DLG2: variants seen among roughly 807,000 people sequenced by gnomAD.
DLG2 encodes the protein discs large MAGUK scaffold protein 2, also known as disks large homolog 2.
Under a neutral mutation model 132.5 loss-of-function variants are expected in DLG2, and 45 were observed. The observed-to-expected ratio is 0.34, with a 90% CI of 0.27 to 0.44. DLG2 has a LOEUF of 0.44. DLG2 is among the 20% of genes least tolerant of loss of function. The pLI, the probability that DLG2 is intolerant of heterozygous loss-of-function variation, is 1.00. For missense variants in DLG2, 1,045 were observed against 1,196.9 expected (o/e 0.87, Z 1.87); for synonymous variants, 424 against 419.6 (o/e 1.01, Z -0.13).
intron 2 of DLG2, among the ~76,000 whole-genome samples, chr11:85,601,042 T>C (rs1335262736): frequency 1.3e-5 from 2 of 152,206 alleles, no homozygotes; most frequent in Non-Finnish European, 2.9e-5. Context: ...TACCATTATG[T>C]AGCTTATCCA....
intron 6 of DLG2, among the ~76,000 whole-genome samples, chr11:85,011,273 A>G (rs1167605844): frequency 1.3e-5 from 2 of 152,192 alleles, no homozygotes; most frequent in Admixed American, 1.3e-4. Context: ...TTTTTCCATA[A>G]TAACAGACCT....
At chr11:84,805,873 T>C (rs545083536) in intron 6 of DLG2, among the ~76,000 whole-genome samples, 43 of 152,266 alleles carry the variant, frequency 2.8e-4, no homozygotes, top group African/African-American at 1.0e-3. Flanking sequence ...CAAATGCCAA[T>C]ACCAAGGTGA....
rs1046650296 is a variant in DLG2 at position 85,625,523 on chromosome 11, A to G, written c.-93+1064T>C. Reference sequence around the variant, plus strand: ...CCAAAAGTTTTATATATCATTGTCCATCTCTACAAATATCAGCTTGGATAA... The same window carrying G: ...CCAAAAGTTTTATATATCATTGTCCGTCTCTACAAATATCAGCTTGGATAA... On this transcript the variant is annotated intron_variant, in intron 2 of 27. Coordinates refer to ENST00000376104, the MANE Select transcript of DLG2 (RefSeq NM_001142699.3). Among the ~76,000 whole-genome samples the G allele has an allele frequency of 5.3e-5, 8 of 152,332 alleles. No homozygotes were observed. In the East Asian group the frequency reaches 1.5e-3, roughly 29 times the overall value.
intron 6 of DLG2, among the ~76,000 whole-genome samples, chr11:85,001,324 C>G (rs1452876881): frequency 6.6e-6 from 1 of 152,128 alleles, no homozygotes; most frequent in Non-Finnish European, 1.5e-5. Context: ...TTTTGAACTT[C>G]TGTTCAAAGA....
intron 16 of DLG2, among the ~76,000 whole-genome samples, chr11:83,862,326 G>A (rs1038820467): frequency 1.3e-5 from 2 of 152,152 alleles, no homozygotes; most frequent in African/African-American, 4.8e-5. Flanking sequence ...TATGTTAAGT[G>A]AAATAAGACA....
At chr11:83,734,743 A>G (rs1022605147) in intron 18 of DLG2, among the ~76,000 whole-genome samples, 2 of 152,044 alleles carry the variant, frequency 1.3e-5, no homozygotes, top group Admixed American at 6.6e-5. Context: ...AAGCCACTGT[A>G]CCCAGCCCAT....
At chr11:84,777,269 ATATGTGTGTGTG>A (rs1329188775) in intron 6 of DLG2, among the ~76,000 whole-genome samples, 10 of 122,496 alleles carry the variant, frequency 8.2e-5, no homozygotes, top group African/African-American at 3.0e-4. Flanking sequence ...GTGTGTATGT[ATATGTGTGTGTG>A]TATATATATA....
intron 14 of DLG2, among the ~76,000 whole-genome samples, chr11:83,942,476 T>C (rs1298307710): frequency 6.6e-6 from 1 of 152,222 alleles, no homozygotes; most frequent in African/African-American, 2.4e-5. Flanking sequence ...CAATATCATT[T>C]ATGAATGATA....
chr11:84,848,122 T>C (rs1201183016), intron 6 of DLG2, among the ~76,000 whole-genome samples: 1 of 152,122 alleles, frequency 6.6e-6, no homozygotes, highest in South Asian at 2.1e-4. Flanking sequence ...AGCACAACTA[T>C]TCTCTAATCA....
rs1376292339 is a variant in DLG2, at chr11:84,331,566, G to T, written c.520-80275C>A. Among the ~76,000 whole-genome samples the T allele has an allele frequency of 2.7e-5, 4 of 149,442 alleles. No homozygotes were observed. The Admixed American group carries it at 2.7e-4, about 10-fold the overall frequency. On this transcript the variant is annotated intron_variant, in intron 7 of 27. Coordinates refer to ENST00000376104, the MANE Select transcript of DLG2 (RefSeq NM_001142699.3). ...GAGTCAAACTTGATGGAGGAGGTGG[G>T]TCGGCAGGGGAGGTGGGCAGTGGGA...
At chr11:84,703,875 T>C (rs2059479156) in intron 6 of DLG2, among the ~76,000 whole-genome samples, 1 of 124,630 alleles carries the variant, frequency 8.0e-6, no homozygotes, top group Non-Finnish European at 1.6e-5. Context: ...TATATATATA[T>C]ATATATATAC....
intron 8 of DLG2, among the ~76,000 whole-genome samples, chr11:84,230,919 C>T (rs1186002204): frequency 6.6e-6 from 1 of 152,152 alleles, no homozygotes; most frequent in African/African-American, 2.4e-5. Context: ...AAAGAATAAA[C>T]TTCTTCATGA....
chr11:84,719,847 A>G (rs775530370), intron 6 of DLG2, among the ~76,000 whole-genome samples: 21 of 152,178 alleles, frequency 1.4e-4, no homozygotes, highest in Non-Finnish European at 2.4e-4. Context: ...TGTTTATCTT[A>G]AAAAATGTCA....
intron 6 of DLG2, chr11:84,955,800 T>C (rs1287468484): frequency 1.3e-5 from 2 of 152,214 alleles, no homozygotes; most frequent in Admixed American, 6.5e-5. Context: ...AGATAACAGA[T>C]GCCAAATATT....
chr11:83,882,850 G>C (rs1360165259), intron 15 of DLG2, among the ~76,000 whole-genome samples: 1 of 152,142 alleles, frequency 6.6e-6, no homozygotes, highest in African/African-American at 2.4e-5. Flanking sequence ...TTAAAGAATA[G>C]CATGGGAGAA....
intron 6 of DLG2, among the ~76,000 whole-genome samples, chr11:84,625,118 C>A (rs922505110): frequency 1.3e-5 from 2 of 151,824 alleles, no homozygotes; most frequent in African/African-American, 4.8e-5. Context: ...CCTCGGCCTC[C>A]CAAAGTGCTG....
chr11:84,720,390 G>A (rs1596473706), intron 6 of DLG2: 7 of 985,484 alleles, frequency 7.1e-6, no homozygotes, highest in African/African-American at 7.0e-5. Context: ...CTTAACAACA[G>A]GGGACATTCC....
intron 10 of DLG2, among the ~76,000 whole-genome samples, chr11:84,071,088 A>G (rs1384687016): frequency 6.6e-6 from 1 of 151,908 alleles, no homozygotes; most frequent in Non-Finnish European, 1.5e-5. Context: ...TTAATTAATT[A>G]CTTTGTATTT....
At chr11:84,159,687 C>T (rs2095503906) in intron 9 of DLG2, among the ~76,000 whole-genome samples, 1 of 152,036 alleles carries the variant, frequency 6.6e-6, no homozygotes, top group Non-Finnish European at 1.5e-5. Context: ...GTGGTATGAT[C>T]TGGCTTATAT....
Sources: gnomAD v4.1 joint callset for allele counts (sites outside exome capture counted in the v4.1 genomes callset) on GRCh38, gnomAD v4.1.1 for gene constraint, MANE v1.5 for transcripts, NCBI Gene and HGNC (gene_info 2026-07-23, HGNC 2026-07-21) for gene names.